The following MCPH1 variants were observed in gnomAD, a reference collection of about 807,000 sequenced individuals.
The protein encoded by MCPH1 is microcephalin 1.
MCPH1 carries 104 observed loss-of-function variants against 84.5 expected under a neutral mutation model. The observed-to-expected ratio is 1.23, with a 90% CI of 1.05 to 1.45. MCPH1 has a LOEUF of 1.45. Among genes scored for constraint, MCPH1 ranks in the 40% most tolerant of loss-of-function variants. MCPH1 has a pLI of 0.00. For synonymous variants in MCPH1, 514 were observed against 366.8 expected (o/e 1.40, Z -4.58); for missense variants, 1,498 against 1,005.7 (o/e 1.49, Z -6.62).
At chr8:6,523,503 A>G (rs1817744738) in intron 12 of MCPH1, among the ~76,000 whole-genome samples, 2 of 152,254 alleles carry the variant, frequency 1.3e-5, no homozygotes, top group Non-Finnish European at 2.9e-5. Flanking sequence ...CCAAGAGAGT[A>G]GAGACTATGT....
In MCPH1 at chr8:6,647,668, C is replaced by T. The variant is rs747730139; in HGVS notation, c.*4619C>T. The T allele has an allele frequency of 1.1e-4, 17 of 152,174 alleles. No homozygotes were observed. The highest frequency in any genetic ancestry group is 1.6e-4 in the Non-Finnish European group (11 of 68,038). 9.4% of individuals were successfully genotyped at this position (152,174 alleles called of 1,614,324 possible). On this transcript the variant is annotated 3_prime_UTR_variant, in exon 14 of 14. Transcript: ENST00000344683. Reference sequence around the variant, plus strand: ...GAAAGAGGTCAGACACAAAAGACTACAAATTGTAAGATTCCATTTAGATAC... The same window carrying T: ...GAAAGAGGTCAGACACAAAAGACTATAAATTGTAAGATTCCATTTAGATAC...
At position 6,477,583 on chromosome 8, in the gene MCPH1, G is replaced by C. The variant is rs570451468; in HGVS notation, c.1936-11G>C. On this transcript the variant is annotated splice_polypyrimidine_tract_variant and intron_variant, in intron 9 of 13. Transcript: ENST00000344683. ...GACTGTTTTTTGTTCCTTCTTGTTTGAAATCTCTAGCCAACAAGAACATTA... is the reference window on the plus strand; with the variant it reads ...GACTGTTTTTTGTTCCTTCTTGTTTCAAATCTCTAGCCAACAAGAACATTA... 6.2e-7 allele frequency: 1 copy of C among 1,611,432 alleles called. No homozygotes were observed. Among genetic ancestry groups the C allele is most frequent in the Admixed American group, 1.7e-5 (1 of 59,982 alleles).
intron 12 of MCPH1, chr8:6,507,561 C>G (rs1814003166): frequency 6.8e-6 from 1 of 146,554 alleles, no homozygotes; most frequent in Non-Finnish European, 1.5e-5. Context: ...AGAAAAATAA[C>G]ACTTTCTTTT....
In MCPH1 at chr8:6,581,669, G is replaced by C. The variant is rs1278174041; in HGVS notation, c.2215-39785G>C. Among the ~76,000 whole-genome samples, 3 of 152,180 alleles carry C rather than the reference G, an allele frequency of 2.0e-5. No homozygotes were observed. The East Asian group carries it at 5.8e-4, about 29-fold the overall frequency. On this transcript the variant is annotated intron_variant, in intron 12 of 13. Coordinates refer to ENST00000344683, the MANE Select transcript of MCPH1 (RefSeq NM_024596.5). ...TTAGTACCTCATTTCCATAGTCTTA[G>C]AGAAAGTTTAAATTATATTGAAACT... is the stretch of plus-strand genomic sequence containing the variant.
intron 12 of MCPH1, among the ~76,000 whole-genome samples, chr8:6,544,186 A>G (rs1822119127): frequency 6.6e-6 from 1 of 152,224 alleles, no homozygotes; most frequent in Non-Finnish European, 1.5e-5. Flanking sequence ...GAATCAACAT[A>G]TTTACCATTT....
chr8:6,605,043 C>T (rs924970479), intron 12 of MCPH1, among the ~76,000 whole-genome samples: 17 of 151,922 alleles, frequency 1.1e-4, no homozygotes, highest in East Asian at 3.9e-4. Flanking sequence ...CAGGTCACCC[C>T]GACAGGACCC....
chr8:6,473,578 A>G (rs1257456257), intron 9 of MCPH1, among the ~76,000 whole-genome samples: 1 of 151,916 alleles, frequency 6.6e-6, no homozygotes, highest in South Asian at 2.1e-4. Context: ...TGATCTGCCC[A>G]CCTCAGCCTC....
At chr8:6,469,758 C>G (rs931219591) in intron 9 of MCPH1, among the ~76,000 whole-genome samples, 2 of 152,140 alleles carry the variant, frequency 1.3e-5, no homozygotes, top group African/African-American at 4.8e-5. Flanking sequence ...TTTAACTTGA[C>G]CTATCTTTGG....
chr8:6,504,091 G>C (rs1389357575), intron 12 of MCPH1, among the ~76,000 whole-genome samples: 1 of 152,126 alleles, frequency 6.6e-6, no homozygotes, highest in Admixed American at 6.6e-5. Flanking sequence ...GGCCGAGGTG[G>C]GTGGATCACG....
intron 12 of MCPH1, among the ~76,000 whole-genome samples, chr8:6,551,436 G>A (rs555026381): frequency 1.3e-5 from 2 of 152,318 alleles, no homozygotes; most frequent in South Asian, 4.1e-4. Flanking sequence ...GAAAAAACAT[G>A]CATGGATTTA....
intron 11 of MCPH1, among the ~76,000 whole-genome samples, chr8:6,483,851 C>G (rs970268111): frequency 2.0e-5 from 3 of 150,254 alleles, no homozygotes; most frequent in African/African-American, 4.9e-5. Flanking sequence ...CAGAGAGACA[C>G]CCTGTCAAAG....
chr8:6,445,706 T>G, intron 8 of MCPH1, 159 bp downstream of exon 8: 1 of 1,420,344 alleles, frequency 7.0e-7, no homozygotes, highest in Non-Finnish European at 9.1e-7. Flanking sequence ...ATAAACTCTT[T>G]AGGAATAGAT....
intron 12 of MCPH1, chr8:6,527,720 A>G (rs755515097): frequency 6.6e-7 from 1 of 1,526,250 alleles, no homozygotes; most frequent in East Asian, 2.4e-5. Context: ...TTTTTTAATT[A>G]GTTTAACTTT....
At chr8:6,628,615 G>A (rs1796938044) in intron 13 of MCPH1, among the ~76,000 whole-genome samples, 1 of 152,044 alleles carries the variant, frequency 6.6e-6, no homozygotes, top group Non-Finnish European at 1.5e-5. Context: ...TGGTTGGTTT[G>A]AGAAGTGAAA....
chr8:6,560,504 C>G (rs767501879), intron 12 of MCPH1, among the ~76,000 whole-genome samples: 2 of 152,144 alleles, frequency 1.3e-5, no homozygotes, highest in Non-Finnish European at 2.9e-5. Flanking sequence ...CATTCCCAAG[C>G]CAGAAGCCGT....
At position 6,434,756 on chromosome 8, in the gene MCPH1, G is replaced by A. The variant is rs193122223; in HGVS notation, c.322-1292G>A. Among the ~76,000 whole-genome samples the A allele has an allele frequency of 7.9e-5, 12 of 152,314 alleles. No individual in the cohort carries two copies. In the East Asian group the frequency reaches 9.6e-4, roughly 12 times the overall value. ...TGGAGCAAAAGAAGTTAGCGTTTAC[G>A]TGGGTAGCTAGCTACCCATGTAAGC... is the stretch of plus-strand genomic sequence containing the variant. On this transcript the variant is annotated intron_variant, in intron 4 of 13. Coordinates refer to ENST00000344683, the MANE Select transcript of MCPH1 (RefSeq NM_024596.5).
At chr8:6,559,132 G>T (rs903325153) in intron 12 of MCPH1, among the ~76,000 whole-genome samples, 1 of 151,878 alleles carries the variant, frequency 6.6e-6, no homozygotes, top group Admixed American at 6.6e-5. Flanking sequence ...GCTGTGAATG[G>T]GATGGGATTT....
intron 9 of MCPH1, among the ~76,000 whole-genome samples, chr8:6,472,247 G>T (rs1807823814): frequency 6.6e-6 from 1 of 152,102 alleles, no homozygotes; most frequent in Admixed American, 6.5e-5. Flanking sequence ...CATCAAGAGG[G>T]TTATTTTAGA....
chr8:6,414,921 C>G (rs780690361), intron 3 of MCPH1, 38 bp downstream of exon 3: 1 of 1,604,772 alleles, frequency 6.2e-7, no homozygotes, highest in South Asian at 1.1e-5. Context: ...CCTTAAGTAT[C>G]TAGTATTGAA....
Sources: gnomAD v4.1 joint callset for allele counts (sites outside exome capture counted in the v4.1 genomes callset) on GRCh38, gnomAD v4.1.1 for gene constraint, MANE v1.5 for transcripts, NCBI Gene and HGNC (gene_info 2026-07-23, HGNC 2026-07-21) for gene names.